The following HIPK2 variants were observed in gnomAD, a reference collection of about 807,000 sequenced individuals.
The protein encoded by HIPK2 is homeodomain-interacting protein kinase 2.
HIPK2 carries 27 observed loss-of-function variants against 113.7 expected under a neutral mutation model. That is an observed-to-expected ratio of 0.24 (90% CI 0.17 to 0.33). The LOEUF is 0.33. Ranked by LOEUF, HIPK2 falls within the 10% of genes least tolerant of loss-of-function variation. HIPK2 has a pLI of 1.00. For missense variants in HIPK2, 1,257 were observed against 1,588.0 expected (o/e 0.79, Z 3.54); for synonymous variants, 631 against 642.2 (o/e 0.98, Z 0.26).
At chr7:139,695,063 G>A (rs1315207814) in intron 2 of HIPK2, among the ~76,000 whole-genome samples, 1 of 152,192 alleles carries the variant, frequency 6.6e-6, no homozygotes, top group East Asian at 1.9e-4. Flanking sequence ...CTTGCCTCTG[G>A]CTGCGAGGTT....
At chr7:139,634,423 C>A (rs893858020) in intron 2 of HIPK2, among the ~76,000 whole-genome samples, 1 of 152,026 alleles carries the variant, frequency 6.6e-6, no homozygotes, top group Admixed American at 6.6e-5. Context: ...CACTGATGAG[C>A]TGGGGATGCC....
chr7:139,670,303 G>A (rs1156915142), intron 2 of HIPK2, among the ~76,000 whole-genome samples: 1 of 152,122 alleles, frequency 6.6e-6, no homozygotes, highest in African/African-American at 2.4e-5. Context: ...GGAAACTGTG[G>A]CTGGGGATGG....
chr7:139,663,298 G>A (rs1801930014), intron 2 of HIPK2, among the ~76,000 whole-genome samples: 1 of 152,198 alleles, frequency 6.6e-6, no homozygotes, highest in African/African-American at 2.4e-5. Context: ...TTGGAAGGCT[G>A]GACTGGAGAT....
chr7:139,654,917 C>G (rs780884226), intron 2 of HIPK2, among the ~76,000 whole-genome samples: 1 of 152,118 alleles, frequency 6.6e-6, no homozygotes, highest in African/African-American at 2.4e-5. Context: ...GGGATTCCTG[C>G]GAGTGGGAGG....
rs1162332919 is a variant in HIPK2, at chr7:139,723,756, T to C, written c.20-6741A>G. 5.9e-5 allele frequency among the ~76,000 whole-genome samples: 9 copies of C among 152,234 alleles called. No homozygotes were observed. The East Asian group carries it at 1.7e-3, about 29-fold the overall frequency. ...AATTGAATTCAATTTCACTGAATTC[T>C]AGCAAAGCTCAAGCCCTGATTCCCA... On this transcript the variant is annotated intron_variant, in intron 1 of 14. Coordinates refer to ENST00000406875, the MANE Select transcript of HIPK2 (RefSeq NM_022740.5).
Position 139,631,393 on chromosome 7 carries a change from G to T in HIPK2, c.1228-109C>A. 6.9e-7 allele frequency: 1 copy of T among 1,459,654 alleles called. No individual in the cohort carries two copies. Among genetic ancestry groups the T allele is most frequent in the Non-Finnish European group, 9.1e-7 (1 of 1,097,018 alleles). 90.4% of individuals were successfully genotyped at this position (1,459,654 alleles called of 1,614,324 possible). A position where few individuals can be genotyped will look rare whatever the true frequency, so the allele number is the denominator to read the frequency against. On this transcript the variant is annotated intron_variant, in intron 3 of 14. Coordinates refer to ENST00000406875, the MANE Select transcript of HIPK2 (RefSeq NM_022740.5). The surrounding 1 kb of genome is among the most constrained non-coding windows in gnomAD (Gnocchi z 4.9). ...AAATGAAAATGACAATTTTTGTAGG[G>T]AAAGAAGTTAACAAAAAAGAGAAAA... is the stretch of plus-strand genomic sequence containing the variant.
At chr7:139,679,069 G>A (rs1011914840) in intron 2 of HIPK2, among the ~76,000 whole-genome samples, 1 of 152,190 alleles carries the variant, frequency 6.6e-6, no homozygotes, top group Non-Finnish European at 1.5e-5. Flanking sequence ...GGGCTGAGAC[G>A]ATGGGGTTTT....
chr7:139,748,460 GC>G (rs1796227345), intron 1 of HIPK2, among the ~76,000 whole-genome samples: 1 of 151,772 alleles, frequency 6.6e-6, no homozygotes, highest in Non-Finnish European at 1.5e-5. Context: ...GACAGGGCCG[GC>G]TCCCTCCGAG....
intron 2 of HIPK2, among the ~76,000 whole-genome samples, chr7:139,635,986 C>T (rs1800799762): frequency 6.6e-6 from 1 of 152,220 alleles, no homozygotes; most frequent in Admixed American, 6.5e-5. Context: ...AGAGAGTCAT[C>T]TCCCCCTGTG....
intron 7 of HIPK2, among the ~76,000 whole-genome samples, chr7:139,617,900 G>GCT (rs1800111377): frequency 2.6e-5 from 4 of 152,342 alleles, no homozygotes; most frequent in African/African-American, 9.6e-5. Flanking sequence ...TAGAAAGCTA[G>GCT]CTACTAGAAC....
At chr7:139,758,523 C>T (rs571451762) in intron 1 of HIPK2, among the ~76,000 whole-genome samples, 2 of 152,172 alleles carry the variant, frequency 1.3e-5, no homozygotes, top group South Asian at 4.1e-4. Context: ...CAGTTCTGGC[C>T]TGTTAGGAAC....
chr7:139,573,847 C>CAAA (rs372877209), intron 14 of HIPK2, among the ~76,000 whole-genome samples: 3 of 100,306 alleles, frequency 3.0e-5, no homozygotes, highest in African/African-American at 7.5e-5. Context: ...AACTCTGTCT[C>CAAA]AAAAAAAAAA....
At chr7:139,696,346 G>C (rs1794566116) in intron 2 of HIPK2, among the ~76,000 whole-genome samples, 1 of 152,144 alleles carries the variant, frequency 6.6e-6, no homozygotes, top group Non-Finnish European at 1.5e-5. Flanking sequence ...GTGGAGACAG[G>C]AGGATCACTT....
At chr7:139,607,883 C>T (rs1025260789) in intron 9 of HIPK2, among the ~76,000 whole-genome samples, 6 of 151,942 alleles carry the variant, frequency 3.9e-5, no homozygotes, top group African/African-American at 1.2e-4. Context: ...CCATAAAAAG[C>T]AGTCTAAGCA....
chr7:139,614,592 AAAG>A (rs1192931450), intron 7 of HIPK2, 99 bp from the exon 8 acceptor site: 3 of 821,750 alleles, frequency 3.7e-6, no homozygotes, highest in African/African-American at 1.8e-5. Flanking sequence ...AAATGAACTC[AAAG>A]AAGAACAAAC....
In HIPK2 at chr7:139,579,435, G is replaced by A. The variant is rs201748467; in HGVS notation, c.2966-4147C>T. 6.6e-5 allele frequency among the ~76,000 whole-genome samples: 10 copies of A among 152,156 alleles called. No homozygotes were observed. The East Asian group carries it at 1.9e-3, about 29-fold the overall frequency. Reference sequence around the variant, plus strand: ...GAATCTGGTCATTCTTGGGGCAGAGGTGCTAAATATTAATGAGCCATGCAT... The same window carrying A: ...GAATCTGGTCATTCTTGGGGCAGAGATGCTAAATATTAATGAGCCATGCAT... On this transcript the variant is annotated intron_variant, in intron 13 of 14. Coordinates refer to ENST00000406875, the MANE Select transcript of HIPK2 (RefSeq NM_022740.5).
At chr7:139,730,535 A>G (rs990396838) in intron 1 of HIPK2, among the ~76,000 whole-genome samples, 1 of 151,934 alleles carries the variant, frequency 6.6e-6, no homozygotes, top group East Asian at 1.9e-4. Flanking sequence ...TAATTTTTGT[A>G]TTTTTAGTAG....
intron 2 of HIPK2, among the ~76,000 whole-genome samples, chr7:139,636,270 TTTGTAGGCTCGCCC>T (rs1800810336): frequency 6.6e-6 from 1 of 151,906 alleles, no homozygotes; most frequent in Admixed American, 6.6e-5. Flanking sequence ...GCCCATTTCC[TTTGTAGGCTCGCCC>T]TCTTCTATCC....
intron 2 of HIPK2, among the ~76,000 whole-genome samples, chr7:139,649,281 C>A (rs1046548074): frequency 1.3e-5 from 2 of 152,184 alleles, no homozygotes; most frequent in Non-Finnish European, 2.9e-5. Context: ...CGATGCAGCA[C>A]CCCTTCCCCC....
Sources: gnomAD v4.1 joint callset for allele counts (sites outside exome capture counted in the v4.1 genomes callset) on GRCh38, gnomAD v4.1.1 for gene constraint, Gnocchi (gnomAD v3.1) non-coding constraint, MANE v1.5 for transcripts, NCBI Gene and HGNC (gene_info 2026-07-23, HGNC 2026-07-21) for gene names.